Variants in TNR observed in about 807,000 individuals in gnomAD.
TNR encodes the protein tenascin-R.
In TNR, 45 loss-of-function variants were observed where a neutral mutation model predicts 150.4. The ratio of observed to expected loss-of-function variants is 0.30; its 90% CI spans 0.24 to 0.38. The LOEUF (loss-of-function observed/expected upper bound fraction) is 0.38. Among genes scored for constraint, TNR ranks in the 10% least tolerant of loss-of-function variants. The pLI is 1.00. For synonymous variants in TNR, 687 were observed against 678.4 expected (o/e 1.01, Z -0.20); for missense variants, 1,544 against 1,759.1 (o/e 0.88, Z 2.19).
In TNR at chr1:175,687,133, C is replaced by T. The variant is rs148844392; in HGVS notation, c.-165+56093G>A. On this transcript the variant is annotated intron_variant, in intron 1 of 22. Transcript: ENST00000367674. ...ACCATGGCATGAGCTAAAGCTTAGT[C>T]AGAGTCCTCCTGGGCTCAGCTCTGC... 4.2e-3 allele frequency among the ~76,000 whole-genome samples: 634 copies of T among 152,254 alleles called. 2 individuals are homozygous for T. Among genetic ancestry groups the T allele is most frequent in the African/African-American group, 0.014 (600 of 41,552 alleles).
At chr1:175,710,191 A>G (rs1279588376) in intron 1 of TNR, among the ~76,000 whole-genome samples, 2 of 152,126 alleles carry the variant, frequency 1.3e-5, no homozygotes, top group Non-Finnish European at 2.9e-5. Context: ...TGTCTAGGAA[A>G]GAGAGGATGG....
intron 2 of TNR, among the ~76,000 whole-genome samples, chr1:175,520,468 C>T (rs771972680): frequency 6.6e-6 from 1 of 152,320 alleles, no homozygotes; most frequent in East Asian, 1.9e-4. Flanking sequence ...GCCACATACT[C>T]GTATATTCAC....
At chr1:175,339,022 A>G (rs1650388619) in intron 18 of TNR, among the ~76,000 whole-genome samples, 1 of 152,254 alleles carries the variant, frequency 6.6e-6, no homozygotes, top group African/African-American at 2.4e-5. Context: ...ATGACAATAA[A>G]TTTCTATAGA....
chr1:175,661,797 T>TC (rs60963071), intron 1 of TNR, among the ~76,000 whole-genome samples: 58,696 of 101,184 alleles, frequency 0.58, 16,581 homozygotes, highest in East Asian at 0.7. Context: ...CCCTCCCCCC[T>TC]CCCCCCACCC....
Position 175,671,219 on chromosome 1 carries a change from G to T in TNR, c.-165+72007C>A, listed in dbSNP as rs573466549. On this transcript the variant is annotated intron_variant, in intron 1 of 22. Transcript: ENST00000367674. ...GATGGGCCAGCTTTGGACATGTTGG[G>T]TTTAAGTTTTGAGGAGCCTGTGACC... is the stretch of plus-strand genomic sequence containing the variant. Among the ~76,000 whole-genome samples, 9 of 152,326 alleles carry T rather than the reference G, an allele frequency of 5.9e-5. No homozygotes were observed. The South Asian group carries it at 1.9e-3, about 32-fold the overall frequency.
chr1:175,383,082 G>A (rs859433), intron 8 of TNR, among the ~76,000 whole-genome samples: 116,009 of 151,840 alleles, frequency 0.76, 44,394 homozygotes, highest in East Asian at 0.88. Flanking sequence ...TTCCGATCTC[G>A]GCCTTCATCT....
intron 1 of TNR, among the ~76,000 whole-genome samples, chr1:175,616,325 C>A (rs145206970): frequency 4.6e-5 from 7 of 152,310 alleles, no homozygotes; most frequent in African/African-American, 7.2e-5. Flanking sequence ...GGCATGCAGG[C>A]ATTACAGCCC....
At chr1:175,545,091 C>T (rs554911895) in intron 1 of TNR, among the ~76,000 whole-genome samples, 2 of 152,242 alleles carry the variant, frequency 1.3e-5, no homozygotes, top group African/African-American at 4.8e-5. Context: ...CATTTATTGT[C>T]GTAAGCCACT....
At chr1:175,624,253 C>A (rs1243519583) in intron 1 of TNR, among the ~76,000 whole-genome samples, 1 of 152,194 alleles carries the variant, frequency 6.6e-6, no homozygotes, top group African/African-American at 2.4e-5. Context: ...TTATACAATT[C>A]TTTCCTGGAA....
At chr1:175,397,731 T>G (rs1272034402) in intron 4 of TNR, among the ~76,000 whole-genome samples, 1 of 152,230 alleles carries the variant, frequency 6.6e-6, no homozygotes, top group Non-Finnish European at 1.5e-5. Flanking sequence ...AAAACATTCT[T>G]GAGGACCTTG....
chr1:175,613,045 T>C (rs1471854025), intron 1 of TNR, among the ~76,000 whole-genome samples: 1 of 152,202 alleles, frequency 6.6e-6, no homozygotes, highest in East Asian at 1.9e-4. Context: ...AATCATTACC[T>C]TGTGACTAGT....
rs367563721 is a variant in TNR at position 175,561,023 on chromosome 1, A to G, written c.-164-32654T>C. On this transcript the variant is annotated intron_variant, in intron 1 of 22. Transcript: ENST00000367674. The stretch of plus-strand genomic sequence containing the variant: ...TAACGTTGCATCTTTAACGTTCCCC[A>G]AGCAGTGAGCTTGTCCCTTCCTTGT... Among the ~76,000 whole-genome samples the G allele has an allele frequency of 7.4e-4, 112 of 152,300 alleles. 4 individuals are homozygous for G. In the South Asian group the frequency reaches 0.022, roughly 30 times the overall value.
At chr1:175,523,459 G>C (rs1442636503) in intron 2 of TNR, among the ~76,000 whole-genome samples, 2 of 152,076 alleles carry the variant, frequency 1.3e-5, no homozygotes, top group Non-Finnish European at 2.9e-5. Flanking sequence ...TTGAGGAAAG[G>C]GAGACAAAGA....
intron 18 of TNR, among the ~76,000 whole-genome samples, chr1:175,351,795 T>C (rs1021727667): frequency 6.6e-6 from 1 of 152,184 alleles, no homozygotes; most frequent in Non-Finnish European, 1.5e-5. Context: ...GACATATCTT[T>C]GCCATGTACC....
intron 3 of TNR, 66 bp downstream of exon 3, chr1:175,406,150 C>T: frequency 4.5e-6 from 7 of 1,552,470 alleles, no homozygotes; most frequent in Non-Finnish European, 5.2e-6. Flanking sequence ...TTCTTGTTCA[C>T]TCTCCCTCTC....
intron 1 of TNR, among the ~76,000 whole-genome samples, chr1:175,533,591 T>C (rs993511422): frequency 6.6e-6 from 1 of 152,230 alleles, no homozygotes; most frequent in Non-Finnish European, 1.5e-5. Context: ...TTCTTTCATA[T>C]CTTAATTAGC....
intron 18 of TNR, among the ~76,000 whole-genome samples, chr1:175,347,377 T>C (rs907892972): frequency 1.3e-5 from 2 of 152,178 alleles, no homozygotes; most frequent in African/African-American, 4.8e-5. Context: ...ATTATATATT[T>C]TCTTTATTTT....
Position 175,689,598 on chromosome 1 carries a change from G to A in TNR, c.-165+53628C>T, listed in dbSNP as rs547549020. Reference sequence around the variant, plus strand: ...ATGCAACTTCTGGATCCTTGTTACAGCCCTGGCTTGGGTCCCGTGGAGGCC... The same window carrying A: ...ATGCAACTTCTGGATCCTTGTTACAACCCTGGCTTGGGTCCCGTGGAGGCC... On this transcript the variant is annotated intron_variant, in intron 1 of 22. Coordinates refer to ENST00000367674, the MANE Select transcript of TNR (RefSeq NM_003285.3). Among the ~76,000 whole-genome samples the A allele has an allele frequency of 2.0e-5, 3 of 152,298 alleles. No homozygotes were observed. The South Asian group carries it at 6.2e-4, about 32-fold the overall frequency.
chr1:175,410,739 G>C (rs1174192608), intron 2 of TNR, among the ~76,000 whole-genome samples: 2 of 152,190 alleles, frequency 1.3e-5, no homozygotes, highest in African/African-American at 4.8e-5. Flanking sequence ...CTCTCTGGAG[G>C]TGACTGGCAG....
Sources: gnomAD v4.1 joint callset for allele counts (sites outside exome capture counted in the v4.1 genomes callset) on GRCh38, gnomAD v4.1.1 for gene constraint, MANE v1.5 for transcripts, NCBI Gene and HGNC (gene_info 2026-07-23, HGNC 2026-07-21) for gene names.